PTPRQ: variants seen among roughly 807,000 people sequenced by gnomAD.
The protein encoded by PTPRQ is protein tyrosine phosphatase receptor type Q.
PTPRQ carries 199 observed loss-of-function variants against 246.0 expected under a neutral mutation model. The ratio of observed to expected loss-of-function variants is 0.81; its 90% CI spans 0.72 to 0.91. PTPRQ has a LOEUF of 0.91. PTPRQ is among the 40% of genes least tolerant of loss of function. PTPRQ has a pLI of 0.00. For synonymous variants in PTPRQ, 869 were observed against 853.2 expected (o/e 1.02, Z -0.32); for missense variants, 2,624 against 2,528.4 (o/e 1.04, Z -0.81).
intron 33 of PTPRQ, among the ~76,000 whole-genome samples, chr12:80,623,343 C>A (rs1396233615): frequency 6.6e-6 from 1 of 152,120 alleles, no homozygotes; most frequent in Non-Finnish European, 1.5e-5. Context: ...AGAGAAATAA[C>A]AAATTTCTTT....
intron 3 of PTPRQ, among the ~76,000 whole-genome samples, chr12:80,455,760 T>G (rs1478426928): frequency 1.5e-5 from 2 of 131,944 alleles, no homozygotes; most frequent in Non-Finnish European, 3.1e-5. Flanking sequence ...CCGGCTAATT[T>G]TTTCGTATTT....
At position 80,669,477 on chromosome 12, in the gene PTPRQ, G is replaced by A. The variant is rs1285854178; in HGVS notation, c.6453+13G>A. ...GAAAATTGAAAGGGTAAAAAAAAAA[G>A]GGGGGGACGAGAGAACATGATATAA... is the stretch of plus-strand genomic sequence containing the variant. On this transcript the variant is annotated intron_variant, in intron 41 of 44. Coordinates refer to ENST00000644991, the MANE Select transcript of PTPRQ (RefSeq NM_001145026.2). 3 of 1,529,270 alleles carry A rather than the reference G, an allele frequency of 2.0e-6. No homozygotes were observed. The highest frequency in any genetic ancestry group is 2.5e-5 in the East Asian group (1 of 40,528). The allele number at this position is 1,529,270 out of a possible 1,614,324, so 94.7% of individuals were successfully genotyped here.
At chr12:80,563,984 C>A (rs970041574) in intron 25 of PTPRQ, among the ~76,000 whole-genome samples, 1 of 151,658 alleles carries the variant, frequency 6.6e-6, no homozygotes, top group African/African-American at 2.4e-5. Flanking sequence ...AGTAGACTAG[C>A]AGTTATTGTC....
intron 14 of PTPRQ, 37 bp downstream of exon 14, chr12:80,496,568 C>T (rs1894632174): frequency 6.6e-7 from 1 of 1,525,830 alleles, no homozygotes; most frequent in Non-Finnish European, 8.8e-7. Flanking sequence ...TAATAATACA[C>T]AGTGATATAG....
intron 25 of PTPRQ, among the ~76,000 whole-genome samples, chr12:80,587,514 G>A (rs994136669): frequency 6.6e-5 from 10 of 152,108 alleles, no homozygotes; most frequent in African/African-American, 2.4e-4. Flanking sequence ...CTCAGAGCCT[G>A]ACACATGGTA....
chr12:80,492,830 A>T (rs535729882), intron 9 of PTPRQ, among the ~76,000 whole-genome samples: 6 of 152,156 alleles, frequency 3.9e-5, no homozygotes, highest in Non-Finnish European at 7.4e-5. Context: ...AATGTATATC[A>T]AGCAGGCATA....
At position 80,517,845 on chromosome 12, in the gene PTPRQ, C is replaced by T. The variant is rs567786111; in HGVS notation, c.2678+7402C>T. 1.7e-4 allele frequency among the ~76,000 whole-genome samples: 26 copies of T among 152,176 alleles called. 1 individual carries two copies. Among genetic ancestry groups the T allele is most frequent in the Admixed American group, 1.4e-3 (21 of 15,280 alleles). ...TTTATTGCTGCATAGTACTCCATTG[C>T]GTATAGATGTACCACATTTTCTTTA... On this transcript the variant is annotated intron_variant, in intron 17 of 44. Transcript: ENST00000644991.
chr12:80,506,872 G>GT (rs34261153), intron 16 of PTPRQ, among the ~76,000 whole-genome samples: 99 of 151,984 alleles, frequency 6.5e-4, no homozygotes, highest in African/African-American at 2.3e-3. Context: ...GGCATAAAAT[G>GT]TTTTTTATTT....
rs573824888 is a variant in PTPRQ, at chr12:80,663,416, T to A, written c.6192+5355T>A. 3.9e-5 allele frequency among the ~76,000 whole-genome samples: 6 copies of A among 152,030 alleles called. No individual in the cohort carries two copies. In the East Asian group the frequency reaches 1.2e-3, roughly 30 times the overall value. On this transcript the variant is annotated intron_variant, in intron 39 of 44. Coordinates refer to ENST00000644991, the MANE Select transcript of PTPRQ (RefSeq NM_001145026.2). The stretch of plus-strand genomic sequence containing the variant: ...GTGGGTCTGCATACCCTCCCGTACG[T>A]ACTCAGCATAGAGAAGGGTCAAGTT...
intron 41 of PTPRQ, 142 bp downstream of exon 41, chr12:80,669,606 A>C (rs757708919): frequency 1.6e-6 from 2 of 1,249,086 alleles, no homozygotes; most frequent in Non-Finnish European, 2.1e-6. Context: ...TTCTGAACAG[A>C]ATTTTGAATC....
In PTPRQ at chr12:80,603,847, A is replaced by G. The variant is rs1236244066; in HGVS notation, c.4610-1212A>G. Among the ~76,000 whole-genome samples, 3 of 151,368 alleles carry G rather than the reference A, an allele frequency of 2.0e-5. No individual in the cohort carries two copies. The Admixed American group carries it at 2.0e-4, about 10-fold the overall frequency. On this transcript the variant is annotated intron_variant, in intron 26 of 44. Coordinates refer to ENST00000644991, the MANE Select transcript of PTPRQ (RefSeq NM_001145026.2). The stretch of plus-strand genomic sequence containing the variant: ...ATCTGTATCATCACTTTGCTCTCTC[A>G]TTGTAGATTATATGTTATTTATTTC...
chr12:80,615,211 A>G (rs940326521), intron 29 of PTPRQ, among the ~76,000 whole-genome samples: 3 of 150,728 alleles, frequency 2.0e-5, no homozygotes, highest in Non-Finnish European at 4.5e-5. Context: ...TTTTTTTTGA[A>G]TTTACAAACT....
intron 6 of PTPRQ, among the ~76,000 whole-genome samples, chr12:80,466,334 C>T (rs531544600): frequency 1.3e-5 from 2 of 152,188 alleles, no homozygotes; most frequent in South Asian, 4.2e-4. Flanking sequence ...GAAGTACAAA[C>T]CAGTGCTCAA....
intron 8 of PTPRQ, among the ~76,000 whole-genome samples, chr12:80,482,592 T>C (rs1466710937): frequency 6.7e-6 from 1 of 150,242 alleles, no homozygotes; most frequent in Non-Finnish European, 1.5e-5. Context: ...ACAGGCAACC[T>C]ACAAAATGGG....
chr12:80,451,195 G>A (rs1892756838), intron 3 of PTPRQ, among the ~76,000 whole-genome samples: 1 of 151,358 alleles, frequency 6.6e-6, no homozygotes, highest in Non-Finnish European at 1.5e-5. Flanking sequence ...TCTGATGGTA[G>A]TTTGTATTTC....
chr12:80,650,039 A>T (rs936070388), intron 37 of PTPRQ, among the ~76,000 whole-genome samples: 1 of 152,106 alleles, frequency 6.6e-6, no homozygotes, highest in Non-Finnish European at 1.5e-5. Context: ...ATATTTAAGT[A>T]ATTATTTTAC....
intron 17 of PTPRQ, 85 bp downstream of exon 17, chr12:80,510,528 G>T: frequency 7.7e-7 from 1 of 1,293,824 alleles, no homozygotes; most frequent in Non-Finnish European, 1.0e-6. Flanking sequence ...ATTTCAGAAT[G>T]TGGTGCTACA....
At chr12:80,678,523 T>G in intron 43 of PTPRQ, 79 bp from the exon 44 acceptor site, 18 of 1,423,566 alleles carry the variant, frequency 1.3e-5, no homozygotes, top group Non-Finnish European at 1.7e-5. Flanking sequence ...CAGTACTGCT[T>G]TTAGCTTTAA....
At chr12:80,596,868 T>C (rs368199364) in intron 26 of PTPRQ, among the ~76,000 whole-genome samples, 1 of 152,096 alleles carries the variant, frequency 6.6e-6, no homozygotes, top group African/African-American at 2.4e-5. Flanking sequence ...TTGAGATCCA[T>C]AGGCTGCACA....
Sources: allele counts gnomAD v4.1 joint callset (sites outside exome capture counted in the v4.1 genomes callset), GRCh38; gene constraint gnomAD v4.1.1; transcripts MANE v1.5; gene names NCBI Gene and HGNC (gene_info 2026-07-23, HGNC 2026-07-21).